Variants in DYNC2H1 observed in about 807,000 individuals in gnomAD.
The protein encoded by DYNC2H1 is cytoplasmic dynein 2 heavy chain 1.
DYNC2H1 carries 410 observed loss-of-function variants against 570.0 expected under a neutral mutation model. The ratio of observed to expected loss-of-function variants is 0.72; its 90% CI spans 0.66 to 0.78. The LOEUF is 0.78. Among genes scored for constraint, DYNC2H1 ranks in the 30% least tolerant of loss-of-function variants. The pLI is 0.00. For synonymous variants in DYNC2H1, 1,688 were observed against 1,677.6 expected (o/e 1.01, Z -0.15); for missense variants, 4,865 against 5,046.4 (o/e 0.96, Z 1.09).
rs189004118 is a variant in DYNC2H1, at chr11:103,246,510, T to A, written c.10042+1136T>A. On this transcript the variant is annotated intron_variant, in intron 65 of 88. Coordinates refer to ENST00000375735, the MANE Select transcript of DYNC2H1 (RefSeq NM_001377.3). ...AAGAGTGATAAATTTTATATCATGA[T>A]TGGTTCACATTTTGAACTGTTCTAG... 2.3e-4 allele frequency among the ~76,000 whole-genome samples: 35 copies of A among 152,188 alleles called. No individual in the cohort carries two copies. The East Asian group carries it at 6.0e-3, about 26-fold the overall frequency.
rs1482736503 is a variant in DYNC2H1 at position 103,156,743 on chromosome 11, G to A, written c.4100G>A (p.Arg1367His). 2.5e-6 allele frequency: 4 copies of A among 1,611,178 alleles called. No homozygotes were observed. The highest frequency in any genetic ancestry group is 3.4e-5 in the Admixed American group (2 of 59,320). The change falls in exon 26 of 89, where the codon CGC becomes CAC. Residue 1367 changes from arginine (R) to histidine (H), a missense_variant. This residue lies in a region of DYNC2H1 where 1,936 missense variants were observed against 1,962.1 expected (regional missense o/e 0.99). Transcript: ENST00000375735. ...GGAGCATTGCCAAAAGAACAGACAC[G>A]CTTCAACAGAGTTGATGAAGATTTT... ...GRGALPKEQT[R>H]FNRVDEDFRS...
In DYNC2H1 at chr11:103,157,386, A is replaced by T. The variant is rs1860886185; in HGVS notation, c.4127+616A>T. 1.3e-5 allele frequency among the ~76,000 whole-genome samples: 2 copies of T among 152,268 alleles called. No individual in the cohort carries two copies. The highest frequency in any genetic ancestry group is 4.8e-5 in the African/African-American group (2 of 41,484). ...CCAAATCTACCAAACATGCTCAAAT[A>T]GTAGGCTAAAACTGAATCCATGAGC... On this transcript the variant is annotated intron_variant, in intron 26 of 88. Transcript: ENST00000375735. The surrounding 1 kb of genome is among the most constrained non-coding windows in gnomAD (Gnocchi z 4.2).
chr11:103,143,200 C>A, intron 17 of DYNC2H1, 68 bp from the exon 18 acceptor site: 1 of 1,517,302 alleles, frequency 6.6e-7, no homozygotes, highest in Non-Finnish European at 9.0e-7. Flanking sequence ...TAGTTGAATC[C>A]TATTCTATTA....
chr11:103,243,228 C>G lies in DYNC2H1; in HGVS notation c.9820-465C>G, dbSNP rs1249805577. On this transcript the variant is annotated intron_variant, in intron 63 of 88. Transcript: ENST00000375735. This position sits in a 1 kb window ranked among gnomAD's most constrained non-coding sequence, Gnocchi z 4.8. Reference sequence around the variant, plus strand: ...GATTTGCTCATACTTCTTTTTATGGCCTTTATAGTTTTTATTCAAACAAAG... The same window carrying G: ...GATTTGCTCATACTTCTTTTTATGGGCTTTATAGTTTTTATTCAAACAAAG... Among the ~76,000 whole-genome samples, 1 of 150,968 alleles carries G rather than the reference C, an allele frequency of 6.6e-6. No homozygotes were observed. The highest frequency in any genetic ancestry group is 1.5e-5 in the Non-Finnish European group (1 of 67,808).
rs4564302 is a variant in DYNC2H1 at position 103,308,121 on chromosome 11, G to C, written c.11493+290G>C. Reference sequence around the variant, plus strand: ...GCAATATGCACCTTGTTGTGCAGTAGATCTGTAGAACTTTTTTTATCTTGC... The same window carrying C: ...GCAATATGCACCTTGTTGTGCAGTACATCTGTAGAACTTTTTTTATCTTGC... On this transcript the variant is annotated intron_variant, in intron 78 of 88. Transcript: ENST00000375735. Among the ~76,000 whole-genome samples, 26,306 of 152,090 alleles carry C rather than the reference G, an allele frequency of 0.17. 2,463 individuals carry two copies. Among genetic ancestry groups the C allele is most frequent in the Admixed American group, 0.26 (3,979 of 15,288 alleles).
Position 103,139,580 on chromosome 11 carries a change from C to T in DYNC2H1, c.2574+3632C>T, listed in dbSNP as rs1430518108. ...TTTGATTGCACTGTGGTCTGAGAGA[C>T]AGTTTGTTATAATTTCTGTTCTTTT... On this transcript the variant is annotated intron_variant, in intron 17 of 88. Coordinates refer to ENST00000375735, the MANE Select transcript of DYNC2H1 (RefSeq NM_001377.3). 7.4e-3 allele frequency among the ~76,000 whole-genome samples: 1,121 copies of T among 151,416 alleles called. 9 individuals are homozygous for T. The highest frequency in any genetic ancestry group is 0.025 in the African/African-American group (1,040 of 41,366).
intron 85 of DYNC2H1, among the ~76,000 whole-genome samples, chr11:103,441,090 T>C: frequency 6.6e-6 from 1 of 152,126 alleles, no homozygotes; most frequent in East Asian, 1.9e-4. Context: ...ACAAGTTTCT[T>C]TAAGGTGAAG....
intron 85 of DYNC2H1, among the ~76,000 whole-genome samples, chr11:103,437,373 T>C (rs770209650): frequency 2.0e-5 from 3 of 152,154 alleles, no homozygotes; most frequent in Non-Finnish European, 4.4e-5. Context: ...CTTGTTCTTC[T>C]GTCTTTTCAT....
rs1046768712 is a variant in DYNC2H1 at position 103,115,313 on chromosome 11, G to T, written c.621+18G>T. 6.6e-7 allele frequency: 1 copy of T among 1,513,664 alleles called. No individual in the cohort carries two copies. Among genetic ancestry groups the T allele is most frequent in the East Asian group, 2.4e-5 (1 of 41,612 alleles). 93.8% of individuals were successfully genotyped at this position (1,513,664 alleles called of 1,614,324 possible). On this transcript the variant is annotated intron_variant, in intron 4 of 88. Transcript: ENST00000375735. ...TTGCAAGAGTATGTGATTCATAAAT[G>T]GTGATATATTGGGCTTCTTATAAAA...
In DYNC2H1 at chr11:103,181,995, G is replaced by A. The variant is rs1861869258; in HGVS notation, c.6477+109G>A. ...AACTCTGCTGGAATGTGGGTGTGAG[G>A]TGAGAGGTGGATTTTGTCACTGCTA... On this transcript the variant is annotated intron_variant, in intron 40 of 88. Coordinates refer to ENST00000375735, the MANE Select transcript of DYNC2H1 (RefSeq NM_001377.3). The surrounding 1 kb of genome is among the most constrained non-coding windows in gnomAD (Gnocchi z 5.0). 7.3e-6 allele frequency: 9 copies of A among 1,229,534 alleles called. No individual in the cohort carries two copies. The highest frequency in any genetic ancestry group is 1.0e-5 in the Non-Finnish European group (9 of 895,206). The allele number at this position is 1,229,534 out of a possible 1,614,324, so 76.2% of individuals were successfully genotyped here.
Position 103,433,232 on chromosome 11 carries a change from C to T in DYNC2H1, c.12367-2711C>T, listed in dbSNP as rs1943957734. On this transcript the variant is annotated intron_variant, in intron 84 of 88. Coordinates refer to ENST00000375735, the MANE Select transcript of DYNC2H1 (RefSeq NM_001377.3). The stretch of plus-strand genomic sequence containing the variant: ...TTATATAGGTAAATATTATCTATCT[C>T]GCTATAAAATGTAAGCTCCATAATA... 3.3e-5 allele frequency among the ~76,000 whole-genome samples: 5 copies of T among 151,920 alleles called. No individual in the cohort carries two copies. The South Asian group carries it at 1.0e-3, about 32-fold the overall frequency.
Position 103,312,108 on chromosome 11 carries a change from T to C in DYNC2H1, c.11649+75T>C. 6.8e-6 allele frequency: 10 copies of C among 1,479,750 alleles called. No individual in the cohort carries two copies. In the South Asian group the frequency reaches 1.2e-4, roughly 18 times the overall value. The allele number at this position is 1,479,750 out of a possible 1,614,324, so 91.7% of individuals were successfully genotyped here. On this transcript the variant is annotated intron_variant, in intron 79 of 88. Transcript: ENST00000375735. ...GTTAAAATATTTTTGTGGCCAGGCA[T>C]GGTGGCTCATGCCTGTAATCCCAGT...
rs1204280685 is a variant in DYNC2H1, at chr11:103,310,682, T to TTTC, written c.11494-1194_11494-1193insCTT. Among the ~76,000 whole-genome samples the TTTC allele has an allele frequency of 9.3e-4, 79 of 84,926 alleles. 2 individuals carry two copies. Among genetic ancestry groups the TTTC allele is most frequent in the Non-Finnish European group, 1.6e-4 (7 of 44,346 alleles). 55.7% of individuals were successfully genotyped at this position (84,926 alleles called of 152,430 possible). A position where few individuals can be genotyped will look rare whatever the true frequency, so the allele number is the denominator to read the frequency against. ...TTCAGTAGTGTATTTTCTTTTTTTT[T>TTTC]TTTTTTTTTTTTTTTTGGGAGACTG... is the stretch of plus-strand genomic sequence containing the variant. On this transcript the variant is annotated intron_variant, in intron 78 of 88. Transcript: ENST00000375735.
At chr11:103,161,152 AT>A in intron 29 of DYNC2H1, 108 bp downstream of exon 29, 1 of 543,224 alleles carries the variant, frequency 1.8e-6, no homozygotes, top group Non-Finnish European at 3.1e-6. Context: ...TAATTTAGGT[AT>A]TTTAGGAAAC....
chr11:103,267,332 G>A (rs527984244), intron 70 of DYNC2H1, among the ~76,000 whole-genome samples: 1 of 150,076 alleles, frequency 6.7e-6, no homozygotes, highest in Non-Finnish European at 1.5e-5. Context: ...TGGCCCTTCA[G>A]TGGGAGCTGT....
chr11:103,177,431 A>T lies in DYNC2H1; in HGVS notation c.5875-125A>T. Reference sequence around the variant, plus strand: ...TTAGGTAGTCTATTACATTTTAGGCAATACCTTCCACTGAAGAAATCAAAG... The same window carrying T: ...TTAGGTAGTCTATTACATTTTAGGCTATACCTTCCACTGAAGAAATCAAAG... On this transcript the variant is annotated intron_variant, in intron 37 of 88. Coordinates refer to ENST00000375735, the MANE Select transcript of DYNC2H1 (RefSeq NM_001377.3). The surrounding 1 kb of genome is among the most constrained non-coding windows in gnomAD (Gnocchi z 4.4). 1.1e-6 allele frequency: 1 copy of T among 871,300 alleles called. No individual in the cohort carries two copies. Among genetic ancestry groups the T allele is most frequent in the Non-Finnish European group, 1.7e-6 (1 of 592,716 alleles). The allele number at this position is 871,300 out of a possible 1,614,324, so 54.0% of individuals were successfully genotyped here. A position where few individuals can be genotyped will look rare whatever the true frequency, so the allele number is the denominator to read the frequency against.
At position 103,244,458 on chromosome 11, in the gene DYNC2H1, C is replaced by G. The variant is rs1864532842; in HGVS notation, c.9918+667C>G. On this transcript the variant is annotated intron_variant, in intron 64 of 88. Transcript: ENST00000375735. The surrounding 1 kb of genome is among the most constrained non-coding windows in gnomAD (Gnocchi z 4.3). Reference sequence around the variant, plus strand: ...TACTTTACTTGTAAAATGGGGATATCTACCTTATTTTTTGTGTGATAAGAA... The same window carrying G: ...TACTTTACTTGTAAAATGGGGATATGTACCTTATTTTTTGTGTGATAAGAA... Among the ~76,000 whole-genome samples the G allele has an allele frequency of 1.3e-5, 2 of 150,644 alleles. No homozygotes were observed. The highest frequency in any genetic ancestry group is 4.8e-5 in the African/African-American group (2 of 41,250).
chr11:103,197,218 T>C (rs1047798743), intron 47 of DYNC2H1, among the ~76,000 whole-genome samples: 1 of 152,152 alleles, frequency 6.6e-6, no homozygotes, highest in African/African-American at 2.4e-5. Context: ...TTTTATTTGC[T>C]AATTTTATGT....
At chr11:103,355,520 A>G (rs1376798109) in intron 82 of DYNC2H1, among the ~76,000 whole-genome samples, 1 of 152,166 alleles carries the variant, frequency 6.6e-6, no homozygotes, top group East Asian at 1.9e-4. Flanking sequence ...ATCAGAAATC[A>G]TTTGGGGTGC....
Sources: allele counts gnomAD v4.1 joint callset (sites outside exome capture counted in the v4.1 genomes callset), GRCh38; gene constraint gnomAD v4.1.1; regional missense constraint gnomAD v4.1.1; non-coding constraint Gnocchi (gnomAD v3.1); transcripts MANE v1.5; gene names NCBI Gene and HGNC (gene_info 2026-07-23, HGNC 2026-07-21).